SIK3: variants seen among roughly 807,000 people sequenced by gnomAD.
SIK3 encodes serine/threonine-protein kinase SIK3.
SIK3 carries 28 observed loss-of-function variants against 144.2 expected under a neutral mutation model. The observed-to-expected ratio is 0.19, with a 90% CI of 0.14 to 0.27. The LOEUF is 0.27. SIK3 is among the 10% of genes least tolerant of loss of function. SIK3 has a pLI of 1.00. For synonymous variants in SIK3, 686 were observed against 676.3 expected, an observed-to-expected ratio of 1.01 and a Z score of -0.22; for missense variants, 1,319 against 1,776.0, an observed-to-expected ratio of 0.74 and a Z score of 4.62.
chr11:116,886,298 T>A (rs1012739521), intron 6 of SIK3, among the ~76,000 whole-genome samples: 4 of 152,242 alleles, frequency 2.6e-5, no homozygotes, highest in Non-Finnish European at 4.4e-5. Flanking sequence ...GAAAACTGCT[T>A]TGAGGACTCT....
At chr11:117,046,117 C>T (rs148648898) in intron 1 of SIK3, among the ~76,000 whole-genome samples, 1 of 152,350 alleles carries the variant, frequency 6.6e-6, no homozygotes, top group East Asian at 1.9e-4. Context: ...TCACAATATA[C>T]AATTCCTCAC....
intron 4 of SIK3, among the ~76,000 whole-genome samples, chr11:116,924,951 C>T (rs538883234): frequency 3.9e-5 from 6 of 152,020 alleles, no homozygotes; most frequent in Non-Finnish European, 8.8e-5. Context: ...GAATGTGTTA[C>T]CATACATGGT....
intron 1 of SIK3, among the ~76,000 whole-genome samples, chr11:116,964,683 C>A (rs1288435917): frequency 1.3e-5 from 2 of 152,076 alleles, no homozygotes; most frequent in East Asian, 3.9e-4. Flanking sequence ...GAGCTCGAGA[C>A]CAGCCTGGCC....
At chr11:116,897,380 T>C in intron 4 of SIK3, 63 bp from the exon 5 acceptor site, 1 of 1,395,410 alleles carries the variant, frequency 7.2e-7, no homozygotes, top group Non-Finnish European at 9.9e-7. Context: ...GAGCAAACAC[T>C]AGTCTCTAGT....
chr11:116,907,873 C>A (rs764737473), intron 4 of SIK3, among the ~76,000 whole-genome samples: 1 of 151,562 alleles, frequency 6.6e-6, no homozygotes, highest in African/African-American at 2.4e-5. Context: ...AGGAACAACT[C>A]GTTATTCATA....
chr11:116,925,600 T>C (rs1172442390), intron 4 of SIK3, among the ~76,000 whole-genome samples: 1 of 152,258 alleles, frequency 6.6e-6, no homozygotes, highest in African/African-American at 2.4e-5. Context: ...GTCATTAAGT[T>C]TGTGGTAATT....
intron 19 of SIK3, 123 bp downstream of exon 19, chr11:116,861,151 G>A (rs1943300152): frequency 1.3e-6 from 1 of 776,106 alleles, no homozygotes; most frequent in South Asian, 1.7e-5. Flanking sequence ...TGGCTCTAGA[G>A]TCCATACCCC....
chr11:117,002,415 C>T (rs1029961352), intron 1 of SIK3, among the ~76,000 whole-genome samples: 5 of 150,438 alleles, frequency 3.3e-5, no homozygotes, highest in Non-Finnish European at 5.9e-5. Context: ...TAAGGGACAG[C>T]CCTTAAGTAG....
At chr11:117,006,287 G>A (rs976668177) in intron 1 of SIK3, among the ~76,000 whole-genome samples, 2 of 152,150 alleles carry the variant, frequency 1.3e-5, no homozygotes, top group Admixed American at 6.6e-5. Flanking sequence ...TTCCTTATGG[G>A]CTATGTAGCT....
At chr11:116,923,161 C>A (rs1947095918) in intron 4 of SIK3, among the ~76,000 whole-genome samples, 1 of 152,066 alleles carries the variant, frequency 6.6e-6, no homozygotes, top group Admixed American at 6.6e-5. Context: ...GGTGATCCAC[C>A]CACCTTGGCC....
intron 6 of SIK3, among the ~76,000 whole-genome samples, chr11:116,889,635 C>T (rs557800247): frequency 2.6e-5 from 4 of 152,266 alleles, no homozygotes; most frequent in Middle Eastern, 3.4e-3. Flanking sequence ...GTGGCTCACA[C>T]CTGTAATCCC....
At chr11:116,881,751 T>C (rs1247751343) in intron 6 of SIK3, among the ~76,000 whole-genome samples, 1 of 152,110 alleles carries the variant, frequency 6.6e-6, no homozygotes, top group Non-Finnish European at 1.5e-5. Context: ...GAAAGACTAA[T>C]AGAGCAATTC....
intron 3 of SIK3, among the ~76,000 whole-genome samples, chr11:116,953,584 G>A (rs1949031849): frequency 6.6e-6 from 1 of 152,220 alleles, no homozygotes; most frequent in South Asian, 2.1e-4. Flanking sequence ...GGGGAACTGT[G>A]AACACATGGT....
At chr11:117,005,241 G>A (rs541118122) in intron 1 of SIK3, among the ~76,000 whole-genome samples, 54 of 147,462 alleles carry the variant, frequency 3.7e-4, no homozygotes, top group South Asian at 2.8e-3. Flanking sequence ...TCAGGAGTTC[G>A]AGACCAGCCT....
At chr11:116,966,261 T>G (rs1226328102) in intron 1 of SIK3, among the ~76,000 whole-genome samples, 2 of 152,156 alleles carry the variant, frequency 1.3e-5, no homozygotes, top group Non-Finnish European at 2.9e-5. Flanking sequence ...CCAGCCATGA[T>G]GGCATATGCC....
At chr11:116,873,830 G>A in intron 12 of SIK3, 73 bp downstream of exon 12, 1 of 1,537,892 alleles carries the variant, frequency 6.5e-7, no homozygotes, top group East Asian at 2.3e-5. Flanking sequence ...TCCTAGGGAA[G>A]GTGCCTCATA....
At chr11:117,089,251 C>G (rs1040938640) in intron 1 of SIK3, among the ~76,000 whole-genome samples, 2 of 151,754 alleles carry the variant, frequency 1.3e-5, no homozygotes, top group African/African-American at 4.8e-5. Flanking sequence ...ACTAAAAATA[C>G]AAAAAATTAG....
chr11:116,873,899 G>A lies in SIK3; in HGVS notation c.1581+4C>T. The A allele has an allele frequency of 6.2e-7, 1 of 1,609,736 alleles. No homozygotes were observed. Among genetic ancestry groups the A allele is most frequent in the East Asian group, 2.2e-5 (1 of 44,798 alleles). On this transcript the variant is annotated splice_donor_region_variant and intron_variant, in intron 12 of 24. Transcript: ENST00000445177. ...GGAGCCAGCCCTCTTCCATGTCTAG[G>A]TACCTTGTACTCAAGTTGCCCGGTT...
At chr11:117,006,498 G>T (rs1034303681) in intron 1 of SIK3, among the ~76,000 whole-genome samples, 2 of 152,070 alleles carry the variant, frequency 1.3e-5, no homozygotes, top group African/African-American at 4.8e-5. Context: ...GGTGGTGAGG[G>T]AGATCAGAAA....
Sources: allele counts gnomAD v4.1 joint callset (sites outside exome capture counted in the v4.1 genomes callset), GRCh38; gene constraint gnomAD v4.1.1; transcripts MANE v1.5; gene names NCBI Gene and HGNC (gene_info 2026-07-23, HGNC 2026-07-21).